EPS8: variants seen among roughly 807,000 people sequenced by gnomAD.
EPS8 encodes the protein EGFR pathway substrate 8, signaling adaptor.
EPS8 carries 42 observed loss-of-function variants against 103.8 expected under a neutral mutation model. The observed-to-expected ratio is 0.40, with a 90% CI of 0.32 to 0.52. The LOEUF is 0.52. EPS8 is among the 20% of genes least tolerant of loss of function. The probability of loss-of-function intolerance (pLI) is 0.40; values close to 1 mark genes in which losing one functional copy is unlikely to be tolerated. For missense variants in EPS8, 969 were observed against 1,005.1 expected (o/e 0.96, Z 0.49); for synonymous variants, 344 against 344.6 (o/e 1.00, Z 0.02).
intron 15 of EPS8, among the ~76,000 whole-genome samples, chr12:15,642,247 T>C (rs925137101): frequency 2.0e-5 from 3 of 152,070 alleles, no homozygotes; most frequent in Non-Finnish European, 4.4e-5. Flanking sequence ...AGTTATATGT[T>C]GATTTCACTA....
rs1947032866 is a variant in EPS8, at chr12:15,760,745, A to G, written c.-22+28416T>C. Among the ~76,000 whole-genome samples the G allele has an allele frequency of 6.6e-6, 1 of 152,150 alleles. No homozygotes were observed. Among genetic ancestry groups the G allele is most frequent in the South Asian group, 2.1e-4 (1 of 4,830 alleles). On this transcript the variant is annotated intron_variant, in intron 1 of 20. Transcript: ENST00000281172. The surrounding 1 kb of genome is among the most constrained non-coding windows in gnomAD (Gnocchi z 4.5). ...GCCAAAAATGCATTTGATTAAATTT[A>G]ACATCCCTTCATGATAAAAACCCTC...
chr12:15,703,153 A>T (rs1392174565), intron 1 of EPS8, among the ~76,000 whole-genome samples: 1 of 152,070 alleles, frequency 6.6e-6, no homozygotes, highest in Non-Finnish European at 1.5e-5. Context: ...GTCTCAAAAA[A>T]TAAATAAAAA....
chr12:15,671,726 T>A (rs1945821524), intron 3 of EPS8: 1 of 152,134 alleles, frequency 6.6e-6, no homozygotes, highest in South Asian at 2.1e-4. Context: ...GAACACTTCA[T>A]GAATTTGAGT....
rs947374765 is a variant in EPS8 at position 15,772,544 on chromosome 12, G to C, written c.-22+16617C>G. Among the ~76,000 whole-genome samples the C allele has an allele frequency of 2.0e-5, 3 of 152,090 alleles. No homozygotes were observed. Among genetic ancestry groups the C allele is most frequent in the African/African-American group, 7.2e-5 (3 of 41,406 alleles). On this transcript the variant is annotated intron_variant, in intron 1 of 20. Coordinates refer to ENST00000281172, the MANE Select transcript of EPS8 (RefSeq NM_004447.6). This position sits in a 1 kb window ranked among gnomAD's most constrained non-coding sequence, Gnocchi z 5.0. ...GAGAATACACAAAACCATGAACTGA[G>C]GCACAAAATAAATAAATAAATAAAT...
intron 1 of EPS8, among the ~76,000 whole-genome samples, chr12:15,758,145 T>C (rs1404258876): frequency 1.3e-5 from 2 of 152,158 alleles, no homozygotes; most frequent in Admixed American, 6.5e-5. Context: ...CCTTACTTCA[T>C]TGGTCACCTG....
chr12:15,630,186 T>G (rs1177766320), intron 18 of EPS8, among the ~76,000 whole-genome samples: 1 of 119,900 alleles, frequency 8.3e-6, no homozygotes, highest in Non-Finnish European at 1.8e-5. Context: ...TCTCTCTGTC[T>G]CTCTATCTCT....
chr12:15,745,278 T>G lies in EPS8; in HGVS notation c.-22+43883A>C, dbSNP rs1946864637. On this transcript the variant is annotated intron_variant, in intron 1 of 20. Coordinates refer to ENST00000281172, the MANE Select transcript of EPS8 (RefSeq NM_004447.6). This position sits in a 1 kb window ranked among gnomAD's most constrained non-coding sequence, Gnocchi z 4.6. Reference sequence around the variant, plus strand: ...TATTATAGACTAAGTTCAGTAGATTTTAGTTTCCTCACCTGAAAAACAAAA... The same window carrying G: ...TATTATAGACTAAGTTCAGTAGATTGTAGTTTCCTCACCTGAAAAACAAAA... 6.6e-6 allele frequency among the ~76,000 whole-genome samples: 1 copy of G among 152,206 alleles called. No homozygotes were observed. The highest frequency in any genetic ancestry group is 1.5e-5 in the Non-Finnish European group (1 of 68,034).
rs908171464 is a variant in EPS8 at position 15,714,380 on chromosome 12, C to T, written c.-21-31408G>A. 8.5e-5 allele frequency among the ~76,000 whole-genome samples: 13 copies of T among 152,266 alleles called. No homozygotes were observed. In the South Asian group the frequency reaches 2.7e-3, roughly 32 times the overall value. ...CACAGGCTGGGTACAGTGGCTCACA[C>T]CTGTAATCCCAGCTCTTTGATAGGC... On this transcript the variant is annotated intron_variant, in intron 1 of 20. Coordinates refer to ENST00000281172, the MANE Select transcript of EPS8 (RefSeq NM_004447.6). This position sits in a 1 kb window ranked among gnomAD's most constrained non-coding sequence, Gnocchi z 4.1.
chr12:15,649,105 A>G (rs1003972436), intron 14 of EPS8, among the ~76,000 whole-genome samples: 2 of 152,226 alleles, frequency 1.3e-5, no homozygotes, highest in Non-Finnish European at 2.9e-5. Flanking sequence ...ACCTCTGAAT[A>G]ACTACTTCAG....
rs906215733 is a variant in EPS8 at position 15,690,359 on chromosome 12, T to A, written c.-21-7387A>T. Among the ~76,000 whole-genome samples the A allele has an allele frequency of 2.0e-5, 3 of 152,162 alleles. No individual in the cohort carries two copies. The highest frequency in any genetic ancestry group is 4.4e-5 in the Non-Finnish European group (3 of 68,008). On this transcript the variant is annotated intron_variant, in intron 1 of 20. Transcript: ENST00000281172. The surrounding 1 kb of genome is among the most constrained non-coding windows in gnomAD (Gnocchi z 4.7). ...ACCACATGGGACTCTTTAAAAAGCA[T>A]AAGAATTCTATTTTTTTAAAGGTTA...
In EPS8 at chr12:15,717,665, ATAT is replaced by A. The variant is rs1210295585; in HGVS notation, c.-21-34696_-21-34694del. The stretch of plus-strand genomic sequence containing the variant: ...TGAATAAATATAAATAGCAGGACCA[ATAT>A]TATACGTTCTTTCCAGAAGTTATTT... On this transcript the variant is annotated intron_variant, in intron 1 of 20. Coordinates refer to ENST00000281172, the MANE Select transcript of EPS8 (RefSeq NM_004447.6). The surrounding 1 kb of genome is among the most constrained non-coding windows in gnomAD (Gnocchi z 4.3). 1.3e-5 allele frequency among the ~76,000 whole-genome samples: 2 copies of A among 152,226 alleles called. No homozygotes were observed. The highest frequency in any genetic ancestry group is 2.9e-5 in the Non-Finnish European group (2 of 68,042).
intron 17 of EPS8, among the ~76,000 whole-genome samples, chr12:15,635,328 A>T (rs1038479979): frequency 6.6e-6 from 1 of 152,190 alleles, no homozygotes; most frequent in Admixed American, 6.5e-5. Context: ...TATCATTAAG[A>T]AGTCTCTGGG....
chr12:15,778,829 A>G lies in EPS8; in HGVS notation c.-22+10332T>C, dbSNP rs1947232479. ...AGTGTTTTCATTTCTTCCATATATG[A>G]AAGAAACTATCAAATGCAGAGTTTG... On this transcript the variant is annotated intron_variant, in intron 1 of 20. Transcript: ENST00000281172. This position sits in a 1 kb window ranked among gnomAD's most constrained non-coding sequence, Gnocchi z 4.5. 6.6e-6 allele frequency among the ~76,000 whole-genome samples: 1 copy of G among 152,240 alleles called. No individual in the cohort carries two copies. Among genetic ancestry groups the G allele is most frequent in the Admixed American group, 6.5e-5 (1 of 15,286 alleles).
chr12:15,671,337 T>A (rs1945814023), intron 3 of EPS8, among the ~76,000 whole-genome samples: 1 of 152,130 alleles, frequency 6.6e-6, no homozygotes, highest in Admixed American at 6.5e-5. Context: ...CTGTATTATA[T>A]GAGTTAGACT....
At chr12:15,686,177 C>T (rs1247615819) in intron 1 of EPS8, among the ~76,000 whole-genome samples, 1 of 152,164 alleles carries the variant, frequency 6.6e-6, no homozygotes, top group African/African-American at 2.4e-5. Context: ...GGATGAAGAC[C>T]TTCATGATGA....
At chr12:15,750,868 C>T (rs1392540810) in intron 1 of EPS8, among the ~76,000 whole-genome samples, 1 of 152,076 alleles carries the variant, frequency 6.6e-6, no homozygotes, top group Non-Finnish European at 1.5e-5. Flanking sequence ...CAAAAAGAAG[C>T]ATCTTATGTA....
chr12:15,692,583 T>C (rs1946190212), intron 1 of EPS8, among the ~76,000 whole-genome samples: 1 of 152,122 alleles, frequency 6.6e-6, no homozygotes, highest in African/African-American at 2.4e-5. Flanking sequence ...TTGAAAATCA[T>C]TTTCCTAAAG....
At chr12:15,679,134 G>A (rs1483011526) in intron 3 of EPS8, among the ~76,000 whole-genome samples, 3 of 151,878 alleles carry the variant, frequency 2.0e-5, no homozygotes, top group Non-Finnish European at 4.4e-5. Flanking sequence ...CTACTATTAG[G>A]TGTCTAATTT....
chr12:15,629,371 T>A (rs1040071231), intron 18 of EPS8, among the ~76,000 whole-genome samples: 11 of 152,310 alleles, frequency 7.2e-5, no homozygotes, highest in Middle Eastern at 3.4e-3. Context: ...GTGTCAAAGA[T>A]GACTGTGCTG....
Sources: allele counts gnomAD v4.1 joint callset (sites outside exome capture counted in the v4.1 genomes callset), GRCh38; gene constraint gnomAD v4.1.1; non-coding constraint Gnocchi (gnomAD v3.1); transcripts MANE v1.5; gene names NCBI Gene and HGNC (gene_info 2026-07-23, HGNC 2026-07-21).